CCNL2: variants seen among roughly 807,000 people sequenced by gnomAD.
CCNL2 encodes cyclin-L2.
In CCNL2, 28 loss-of-function variants were observed where a neutral mutation model predicts 59.1. The ratio of observed to expected loss-of-function variants is 0.47; its 90% CI spans 0.35 to 0.65. CCNL2 has a LOEUF of 0.65. CCNL2 is among the 30% of genes least tolerant of loss of function. The pLI, the probability that CCNL2 is intolerant of heterozygous loss-of-function variation, is 0.00. For missense variants in CCNL2, 714 were observed against 717.4 expected (o/e 1.00, Z 0.05); for synonymous variants, 342 against 288.6 (o/e 1.19, Z -1.88).
chr1:1,391,265 T>G, intron 5 of CCNL2: 1 of 1,106,592 alleles, frequency 9.0e-7, no homozygotes, highest in Non-Finnish European at 1.1e-6. Context: ...ATCTAAATGC[T>G]CAAAATCCAT....
chr1:1,392,591 A>T, intron 5 of CCNL2: 1 of 1,429,956 alleles, frequency 7.0e-7, no homozygotes, highest in Non-Finnish European at 9.1e-7. Flanking sequence ...AATCAATACG[A>T]TTACCAAAGC....
At chr1:1,398,805 C>T in intron 1 of CCNL2, 134 bp from the exon 2 acceptor site, 2 of 1,233,466 alleles carry the variant, frequency 1.6e-6, no homozygotes, top group Non-Finnish European at 2.3e-6. Context: ...AAAGGCTCTT[C>T]GCGTCCCGCC....
rs1215934434 is a variant in CCNL2 at position 1,385,715 on chromosome 1, C to T, written c.*1516G>A. 2 of 152,250 alleles carry T rather than the reference C, an allele frequency of 1.3e-5. No individual in the cohort carries two copies. The highest frequency in any genetic ancestry group is 6.5e-5 in the Admixed American group (1 of 15,286). The allele number at this position is 152,250 out of a possible 1,614,324, so 9.4% of individuals were successfully genotyped here. ...AAATTAGGAGAACATAAAATCTGGC[C>T]TTAAATGGTTCTTTATGTCATAATA... On this transcript the variant is annotated 3_prime_UTR_variant, in exon 11 of 11. Transcript: ENST00000400809.
intron 3 of CCNL2, among the ~76,000 whole-genome samples, chr1:1,395,916 G>C (rs374096747): frequency 6.6e-6 from 1 of 151,906 alleles, no homozygotes; most frequent in Non-Finnish European, 1.5e-5. Flanking sequence ...CAGTGGCTCT[G>C]CCTGTAATCC....
chr1:1,387,865 G>A lies in CCNL2; in HGVS notation c.1123C>T (p.Pro375Ser), dbSNP rs770263989. ...AKADSPVNGLPKGRESRSRSR... is the reference protein window; with the variant it reads ...AKADSPVNGLSKGRESRSRSR... ...CGACTCCGACTCTCTCGCCCCTTTG[G>A]CAAGCTGTGAACAGGACAGGAGCCA... Residue 375 changes from proline to serine, a missense_variant, in exon 10 of 11, where the codon CCA (proline) becomes TCA (serine). Pro to Ser is a moderately conservative substitution (Grantham distance 74). Coordinates refer to ENST00000400809, the MANE Select transcript of CCNL2 (RefSeq NM_030937.6). The A allele has an allele frequency of 1.2e-6, 2 of 1,613,842 alleles. No individual in the cohort carries two copies. Among genetic ancestry groups the A allele is most frequent in the Admixed American group, 3.3e-5 (2 of 60,008 alleles).
intron 3 of CCNL2, among the ~76,000 whole-genome samples, chr1:1,396,816 T>C (rs1645059722): frequency 6.6e-6 from 1 of 150,544 alleles, no homozygotes; most frequent in Non-Finnish European, 1.5e-5. Context: ...TGGCCCGATC[T>C]CAGCTCACTG....
At chr1:1,398,703 A>G in intron 1 of CCNL2, 32 bp from the exon 2 acceptor site, 1 of 1,594,220 alleles carries the variant, frequency 6.3e-7, no homozygotes, top group Non-Finnish European at 8.6e-7. Context: ...GTATTTTCAA[A>G]CGCACCATTC....
Position 1,399,271 on chromosome 1 carries a change from C to A in CCNL2, c.36G>T (p.Gly12=). 1 of 1,518,826 alleles carries A rather than the reference C, an allele frequency of 6.6e-7. No individual in the cohort carries two copies. Among genetic ancestry groups the A allele is most frequent in the Non-Finnish European group, 8.8e-7 (1 of 1,141,686 alleles). 94.1% of individuals were successfully genotyped at this position (1,518,826 alleles called of 1,614,324 possible). ...CGGCCGCTGCCGCGGGAGCTGCCGACCCTGCAGCACCAGCCGCCGCCGCCG... is the reference window on the plus strand; with the variant it reads ...CGGCCGCTGCCGCGGGAGCTGCCGAACCTGCAGCACCAGCCGCCGCCGCCG... ...AAAAAAAGAA[G]SAAPAAAAGA... The change falls in exon 1 of 11, where the codon GGG becomes GGT. Residue 12 remains glycine (G), a synonymous_variant. Transcript: ENST00000400809.
Position 1,387,843 on chromosome 1 carries a change from C to A in CCNL2, c.1145G>T (p.Ser382Ile), listed in dbSNP as rs1644540277. The A allele has an allele frequency of 6.2e-7, 1 of 1,613,732 alleles. No individual in the cohort carries two copies. The highest frequency in any genetic ancestry group is 8.5e-7 in the Non-Finnish European group (1 of 1,179,976). ...NGLPKGRESR[S>I]RSRSREQSYS... ...GCTCTGCTCACGGCTCCGGCTCCGA[C>A]TCCGACTCTCTCGCCCCTTTGGCAA... The change falls in exon 10 of 11, where the codon AGT (serine) becomes ATT (isoleucine). Residue 382 changes from serine to isoleucine, a missense_variant. Transcript: ENST00000400809.
rs1645244034 is a variant in CCNL2, at chr1:1,399,314, C to T, written c.-8G>A. 10 of 1,440,932 alleles carry T rather than the reference C, an allele frequency of 6.9e-6. No individual in the cohort carries two copies. In the South Asian group the frequency reaches 1.0e-4, roughly 15 times the overall value. 89.3% of individuals were successfully genotyped at this position (1,440,932 alleles called of 1,614,324 possible). ...CGCCGCCGCCGCCGCCATTTTGTGC[C>T]GCCGACTCCCCTTCGGCTTCTTCCC... On this transcript the variant is annotated 5_prime_UTR_variant, in exon 1 of 11. Coordinates refer to ENST00000400809, the MANE Select transcript of CCNL2 (RefSeq NM_030937.6).
Position 1,399,311 on chromosome 1 carries a change from T to C in CCNL2, c.-5A>G. The C allele has an allele frequency of 6.9e-7, 1 of 1,443,622 alleles. No individual in the cohort carries two copies. The allele number at this position is 1,443,622 out of a possible 1,614,324, so 89.4% of individuals were successfully genotyped here. ...CGCCGCCGCCGCCGCCGCCATTTTG[T>C]GCCGCCGACTCCCCTTCGGCTTCTT... is the stretch of plus-strand genomic sequence containing the variant. On this transcript the variant is annotated 5_prime_UTR_variant, in exon 1 of 11. Transcript: ENST00000400809.
rs368754476 is a variant in CCNL2 at position 1,393,480 on chromosome 1, C to G, written c.595-20G>C. 434 of 1,610,134 alleles carry G rather than the reference C, an allele frequency of 2.7e-4. No homozygotes were observed. Among genetic ancestry groups the G allele is most frequent in the Non-Finnish European group, 3.5e-4 (417 of 1,176,406 alleles). On this transcript the variant is annotated intron_variant, in intron 4 of 10. Coordinates refer to ENST00000400809, the MANE Select transcript of CCNL2 (RefSeq NM_030937.6). ...GATTATCTGGAAGATACGGGTCAGG[C>G]AGTTATTACCAAGAACCTTAAGAGC...
chr1:1,393,393 C>T lies in CCNL2; in HGVS notation c.659+3G>A. ...TCTCATAAAACAAGGAAGCTCAACT[C>T]ACCATGAGGTCTGGACCAGGTGTTG... is the stretch of plus-strand genomic sequence containing the variant. On this transcript the variant is annotated splice_donor_region_variant and intron_variant, in intron 5 of 10. Transcript: ENST00000400809. The T allele has an allele frequency of 6.2e-7, 1 of 1,613,686 alleles. No homozygotes were observed. The highest frequency in any genetic ancestry group is 8.5e-7 in the Non-Finnish European group (1 of 1,179,568).
chr1:1,392,444 T>C, intron 5 of CCNL2: 1 of 1,192,566 alleles, frequency 8.4e-7, no homozygotes, highest in East Asian at 4.1e-5. Flanking sequence ...AACCCCACAC[T>C]GACACAGCCA....
chr1:1,397,549 C>G (rs1227562778), intron 3 of CCNL2, among the ~76,000 whole-genome samples: 1 of 152,162 alleles, frequency 6.6e-6, no homozygotes, highest in East Asian at 1.9e-4. Flanking sequence ...CTGCAGCACA[C>G]AGGAGAATCC....
intron 4 of CCNL2, among the ~76,000 whole-genome samples, chr1:1,394,140 A>G (rs1162319552): frequency 3.9e-5 from 6 of 152,038 alleles, no homozygotes; most frequent in Non-Finnish European, 8.8e-5. Context: ...AAAAAAAAAA[A>G]GCACTTCAAT....
chr1:1,387,359 T>C lies in CCNL2; in HGVS notation c.1435A>G (p.Asn479Asp), dbSNP rs1644507541. The C allele has an allele frequency of 4.3e-6, 7 of 1,614,176 alleles. No homozygotes were observed. The highest frequency in any genetic ancestry group is 5.1e-6 in the Non-Finnish European group (6 of 1,180,034). The change falls in exon 11 of 11, where the codon AAT (asparagine) becomes GAT (aspartate). Residue 479 changes from asparagine (N) to aspartate (D), a missense_variant. Physicochemically the swap from Asn to Asp is conservative, Grantham distance 23 (BLOSUM62 1). Coordinates refer to ENST00000400809, the MANE Select transcript of CCNL2 (RefSeq NM_030937.6). ...SRSRSRERAD[N>D]PGKYKKKSHY... Reference sequence around the variant, plus strand: ...CTTTTCTTCTTGTATTTTCCCGGATTATCCGCCCGCTCCCGTGACCTGCTT... The same window carrying C: ...CTTTTCTTCTTGTATTTTCCCGGATCATCCGCCCGCTCCCGTGACCTGCTT...
In CCNL2 at chr1:1,391,489, C is replaced by G. The variant is rs1054767628; in HGVS notation, c.660-624G>C. On this transcript the variant is annotated intron_variant, in intron 5 of 10. Transcript: ENST00000400809. The stretch of plus-strand genomic sequence containing the variant: ...GTGCAAGTTGGACGCGTGGGAGCAT[C>G]GTGCGGAGGGAGACTCCGCACCCAA... 2.3e-6 allele frequency: 3 copies of G among 1,285,358 alleles called. No individual in the cohort carries two copies. The South Asian group carries it at 3.9e-5, about 17-fold the overall frequency. 79.6% of individuals were successfully genotyped at this position (1,285,358 alleles called of 1,614,324 possible). A position where few individuals can be genotyped will look rare whatever the true frequency, so the allele number is the denominator to read the frequency against.
In CCNL2 at chr1:1,398,693, G is replaced by GT. The variant is rs562230504; in HGVS notation, c.289-23dup. 6.0e-5 allele frequency: 97 copies of GT among 1,607,142 alleles called. 3 individuals carry two copies. The South Asian group carries it at 9.0e-4, about 15-fold the overall frequency. On this transcript the variant is annotated intron_variant, in intron 1 of 10. Coordinates refer to ENST00000400809, the MANE Select transcript of CCNL2 (RefSeq NM_030937.6). ...CCACCTAGAGTAGAAGAAAGTTTCCGTATTTTCAAACGCACCATTCAAAGC... is the reference window on the plus strand; with the variant it reads ...CCACCTAGAGTAGAAGAAAGTTTCCGTTATTTTCAAACGCACCATTCAAAGC...
Sources: gnomAD v4.1 joint callset for allele counts (sites outside exome capture counted in the v4.1 genomes callset) on GRCh38, gnomAD v4.1.1 for gene constraint, MANE v1.5 for transcripts, NCBI Gene and HGNC (gene_info 2026-07-23, HGNC 2026-07-21) for gene names.